The following LARP4 variants were observed in gnomAD, a reference collection of about 807,000 sequenced individuals.
LARP4 encodes la-related protein 4.
LARP4 carries 29 observed loss-of-function variants against 92.9 expected under a neutral mutation model. That is an observed-to-expected ratio of 0.31 (90% CI 0.23 to 0.43). The LOEUF (loss-of-function observed/expected upper bound fraction) is 0.43. Ranked by LOEUF, LARP4 falls within the 20% of genes least tolerant of loss-of-function variation. LARP4 has a pLI of 1.00. For synonymous variants in LARP4, 279 were observed against 284.1 expected, an observed-to-expected ratio of 0.98 and a Z score of 0.18; for missense variants, 732 against 860.0, an observed-to-expected ratio of 0.85 and a Z score of 1.86.
chr12:50,424,106 G>A (rs898357270), intron 1 of LARP4, among the ~76,000 whole-genome samples: 1 of 152,152 alleles, frequency 6.6e-6, no homozygotes, highest in South Asian at 2.1e-4. Flanking sequence ...AGTGGCTCAT[G>A]CCTGTAATCC....
At chr12:50,462,692 C>A in intron 12 of LARP4, 62 bp downstream of exon 12, 2 of 1,068,566 alleles carry the variant, frequency 1.9e-6, no homozygotes, top group Non-Finnish European at 2.8e-6. Flanking sequence ...ATGGCATTGA[C>A]TTTCGGTCTT....
At chr12:50,467,658 C>T (rs897201762) in intron 13 of LARP4, among the ~76,000 whole-genome samples, 1 of 152,076 alleles carries the variant, frequency 6.6e-6, no homozygotes, top group Non-Finnish European at 1.5e-5. Flanking sequence ...CTGACTAATG[C>T]AAGCTAAATG....
At position 50,479,169 on chromosome 12, in the gene LARP4, GTC is replaced by G. The variant is rs1405279774; in HGVS notation, c.*3309_*3310del. On this transcript the variant is annotated 3_prime_UTR_variant, in exon 16 of 16. Transcript: ENST00000398473. ...TTCTTAGTTATGGCCTTAATAATTA[GTC>G]TCTTGGCTTAAATGTCCACTGGTTT... 6 of 152,702 alleles carry G rather than the reference GTC, an allele frequency of 3.9e-5. No individual in the cohort carries two copies. In the East Asian group the frequency reaches 1.2e-3, roughly 29 times the overall value. The allele number at this position is 152,702 out of a possible 1,614,324, so 9.5% of individuals were successfully genotyped here.
In LARP4 at chr12:50,430,518, A is replaced by G. The variant is rs142269189; in HGVS notation, c.346A>G (p.Thr116Ala). 2.8e-5 allele frequency: 45 copies of G among 1,607,030 alleles called. No homozygotes were observed. The East Asian group carries it at 1.0e-3, about 36-fold the overall frequency. ...VSGESNSAVSTEDLKECLKKQ... is the reference protein window; with the variant it reads ...VSGESNSAVSAEDLKECLKKQ... ...AGGAGAAAGCAATTCAGCAGTTTCT[A>G]CAGAAGACCTAAAAGAATGTCTGAA... is the stretch of plus-strand genomic sequence containing the variant. The change falls in exon 4 of 16, where the codon ACA becomes GCA. Residue 116 changes from threonine to alanine, a missense_variant. By Grantham distance (58) the Thr-to-Ala change is moderately conservative. Around this residue, in one of 7 missense-constraint regions of LARP4, gnomAD observed 236 missense variants for 307.6 expected, o/e 0.77. Coordinates refer to ENST00000398473, the MANE Select transcript of LARP4 (RefSeq NM_052879.5).
intron 1 of LARP4, among the ~76,000 whole-genome samples, chr12:50,401,521 A>C (rs189019133): frequency 3.9e-5 from 6 of 152,198 alleles, no homozygotes; most frequent in African/African-American, 1.4e-4. Context: ...CTTTTGAGCA[A>C]CTTCCACCAA....
At chr12:50,461,981 T>C (rs1471987362) in intron 11 of LARP4, among the ~76,000 whole-genome samples, 1 of 151,662 alleles carries the variant, frequency 6.6e-6, no homozygotes, top group African/African-American at 2.4e-5. Context: ...ACTATAGGGG[T>C]GAGGTTATAT....
chr12:50,410,780 TA>T (rs1215699026), intron 1 of LARP4, among the ~76,000 whole-genome samples: 1 of 152,170 alleles, frequency 6.6e-6, no homozygotes, highest in Non-Finnish European at 1.5e-5. Context: ...TAACTTTGAT[TA>T]TATTTTCAGA....
Position 50,473,362 on chromosome 12 carries a change from T to C in LARP4, c.1546-53T>C. 12 of 1,386,472 alleles carry C rather than the reference T, an allele frequency of 8.7e-6. No homozygotes were observed. In the Admixed American group the frequency reaches 2.1e-4, roughly 24 times the overall value. The allele number at this position is 1,386,472 out of a possible 1,614,324, so 85.9% of individuals were successfully genotyped here. ...CTCTTGTGCTTATTAGACGTGTATA[T>C]CTTCTTTGGAAAAAGGTCTAAGTGT... On this transcript the variant is annotated intron_variant, in intron 13 of 15. Transcript: ENST00000398473.
At chr12:50,431,079 C>T (rs1041411106) in intron 4 of LARP4, among the ~76,000 whole-genome samples, 2 of 151,860 alleles carry the variant, frequency 1.3e-5, no homozygotes, top group Non-Finnish European at 2.9e-5. Flanking sequence ...ACCTGCCTGA[C>T]CAACATGGAG....
chr12:50,456,645 T>G (rs1008917991), intron 10 of LARP4, among the ~76,000 whole-genome samples: 6 of 152,192 alleles, frequency 3.9e-5, no homozygotes, highest in South Asian at 4.1e-4. Context: ...TTTTTCTACC[T>G]TTCATACTAT....
At chr12:50,474,900 CAA>C (rs1418600464) in intron 15 of LARP4, among the ~76,000 whole-genome samples, 1 of 152,160 alleles carries the variant, frequency 6.6e-6, no homozygotes, top group African/African-American at 2.4e-5. Context: ...GAACAAAACA[CAA>C]AATTTACCTA....
intron 10 of LARP4, among the ~76,000 whole-genome samples, chr12:50,457,584 C>T (rs1954551516): frequency 6.6e-6 from 1 of 152,018 alleles, no homozygotes; most frequent in Admixed American, 6.6e-5. Context: ...GAAGCCAAGG[C>T]AGGCAGATCA....
rs1416958093 is a variant in LARP4 at position 50,440,456 on chromosome 12, C to T, written c.657C>T (p.Phe219=). 1.2e-6 allele frequency: 2 copies of T among 1,613,072 alleles called. No individual in the cohort carries two copies. The highest frequency in any genetic ancestry group is 1.7e-5 in the Admixed American group (1 of 59,944). The change falls in exon 7 of 16, where the codon TTC becomes TTT. Residue 219 remains phenylalanine, a synonymous_variant. Coordinates refer to ENST00000398473, the MANE Select transcript of LARP4 (RefSeq NM_052879.5). ...CTTTTTAGGAAGTGAAAGGTTTGTT[C>T]AAAAGTGAAAACTGCCCCAAAGTGA... ...TTPIEEVKGL[F]KSENCPKVIS...
chr12:50,467,648 C>A (rs539841611), intron 13 of LARP4, among the ~76,000 whole-genome samples: 6 of 152,200 alleles, frequency 3.9e-5, no homozygotes, highest in African/African-American at 1.2e-4. Flanking sequence ...GAACTGATAA[C>A]TGACTAATGC....
At chr12:50,401,754 CGG>C (rs1373452480) in intron 1 of LARP4, among the ~76,000 whole-genome samples, 1 of 152,108 alleles carries the variant, frequency 6.6e-6, no homozygotes, top group Non-Finnish European at 1.5e-5. Flanking sequence ...AAACTTATTC[CGG>C]GAAAAGCCGT....
chr12:50,414,183 A>G (rs989204666), intron 1 of LARP4, among the ~76,000 whole-genome samples: 1 of 152,200 alleles, frequency 6.6e-6, no homozygotes, highest in Non-Finnish European at 1.5e-5. Flanking sequence ...ATATTTTATG[A>G]TAAACTATTC....
rs566307401 is a variant in LARP4 at position 50,458,288 on chromosome 12, T to G, written c.1122-2847T>G. 1.2e-4 allele frequency among the ~76,000 whole-genome samples: 19 copies of G among 152,026 alleles called. No homozygotes were observed. The East Asian group carries it at 2.7e-3, about 22-fold the overall frequency. ...TGTTTTTGTTTGTTTGTTTTTGTTT[T>G]TTGTTTGTTTTTGTATTTTTAGTTA... On this transcript the variant is annotated intron_variant, in intron 10 of 15. Transcript: ENST00000398473.
At chr12:50,408,191 T>C (rs1483875137) in intron 1 of LARP4, among the ~76,000 whole-genome samples, 15 of 132,702 alleles carry the variant, frequency 1.1e-4, no homozygotes, top group Admixed American at 1.1e-3. Context: ...TTTCTGCTTT[T>C]TTTTTTTTTT....
In LARP4 at chr12:50,474,169, T is replaced by C. The variant is rs763610127; in HGVS notation, c.1836+2T>C. 5.7e-6 allele frequency: 9 copies of C among 1,589,304 alleles called. No homozygotes were observed. The highest frequency in any genetic ancestry group is 6.8e-6 in the Non-Finnish European group (8 of 1,171,676). ...GCAGCTACAGCTGTGGCTCTACAGG[T>C]AACTTGAAGATTTTAGTTTATGTTA... On this transcript the variant is annotated splice_donor_variant, in intron 15 of 15. Transcript: ENST00000398473. LOFTEE classifies it high-confidence loss of function.
Sources: gnomAD v4.1 joint callset for allele counts (sites outside exome capture counted in the v4.1 genomes callset) on GRCh38, gnomAD v4.1.1 for gene constraint, gnomAD v4.1.1 regional missense constraint, MANE v1.5 for transcripts, NCBI Gene and HGNC (gene_info 2026-07-23, HGNC 2026-07-21) for gene names.